FAM83D: variants seen among roughly 807,000 people sequenced by gnomAD.
The protein encoded by FAM83D is protein FAM83D.
FAM83D carries 26 observed loss-of-function variants against 25.4 expected under a neutral mutation model. The observed-to-expected ratio is 1.02, with a 90% CI of 0.75 to 1.42. The LOEUF is 1.42. Among genes scored for constraint, FAM83D ranks in the 40% most tolerant of loss-of-function variants. The pLI is 0.00. For missense variants in FAM83D, 740 were observed against 758.1 expected (o/e 0.98, Z 0.28); for synonymous variants, 310 against 318.5 (o/e 0.97, Z 0.28).
chr20:38,937,516 T>G (rs1407952945), intron 1 of FAM83D, among the ~76,000 whole-genome samples: 1 of 151,826 alleles, frequency 6.6e-6, no homozygotes, highest in East Asian at 1.9e-4. Context: ...GTGAAGAGAG[T>G]GTCCCTTCAG....
intron 3 of FAM83D, among the ~76,000 whole-genome samples, chr20:38,950,867 G>T (rs1223790893): frequency 6.7e-6 from 1 of 148,578 alleles, no homozygotes; most frequent in Admixed American, 6.8e-5. Context: ...CCCAGTCATG[G>T]AATGTGCAGT....
chr20:38,949,692 G>A (rs1050718174), intron 3 of FAM83D, among the ~76,000 whole-genome samples: 1 of 152,186 alleles, frequency 6.6e-6, no homozygotes, highest in African/African-American at 2.4e-5. Context: ...GCATAGAAAG[G>A]TACAGTTGGT....
intron 1 of FAM83D, among the ~76,000 whole-genome samples, chr20:38,938,159 T>G (rs2085686478): frequency 6.6e-6 from 1 of 152,080 alleles, no homozygotes; most frequent in Admixed American, 6.5e-5. Flanking sequence ...AATAGCAAAT[T>G]AGGTATTTAC....
At position 38,932,939 on chromosome 20, in the gene FAM83D, A is replaced by T. The variant is rs77683262; in HGVS notation, c.483+6014A>T. 1.1e-3 allele frequency among the ~76,000 whole-genome samples: 169 copies of T among 152,312 alleles called. 2 individuals are homozygous for T. The highest frequency in any genetic ancestry group is 3.9e-3 in the African/African-American group (164 of 41,568). On this transcript the variant is annotated intron_variant, in intron 1 of 3. Coordinates refer to ENST00000619850, the MANE Select transcript of FAM83D (RefSeq NM_030919.3). ...CATTGCGTTCCCAGAGAGCCCTGCC[A>T]GGAGGAGTAGCAGCTTAGGAATCTG...
At position 38,951,852 on chromosome 20, in the gene FAM83D, G is replaced by A. The variant is rs756121830; in HGVS notation, c.1090G>A (p.Glu364Lys). 3 of 1,614,224 alleles carry A rather than the reference G, an allele frequency of 1.9e-6. No homozygotes were observed. Among genetic ancestry groups the A allele is most frequent in the Non-Finnish European group, 2.5e-6 (3 of 1,180,032 alleles). ...GGCAGAGCGCAAGCCCCATGACTGTGAGTCCTCTACTGTTAGTGAGGAAGA... is the reference window on the plus strand; with the variant it reads ...GGCAGAGCGCAAGCCCCATGACTGTAAGTCCTCTACTGTTAGTGAGGAAGA... ...GKAERKPHDC[E>K]SSTVSEEDYF... The change falls in exon 4 of 4, where the codon GAG becomes AAG. Residue 364 changes from glutamate (E) to lysine (K), a missense_variant. Glu to Lys is a moderately conservative substitution (Grantham distance 56). Around this residue, in one of 3 missense-constraint regions of FAM83D, gnomAD observed 375 missense variants for 403.2 expected, o/e 0.93. Coordinates refer to ENST00000619850, the MANE Select transcript of FAM83D (RefSeq NM_030919.3).
At chr20:38,939,384 C>G in intron 1 of FAM83D, among the ~76,000 whole-genome samples, 1 of 152,118 alleles carries the variant, frequency 6.6e-6, no homozygotes, top group Admixed American at 6.6e-5. Context: ...GAGTCTTGCT[C>G]TGTTGCCCAG....
chr20:38,927,498 CTT>C (rs1173092369), intron 1 of FAM83D, among the ~76,000 whole-genome samples: 4 of 101,412 alleles, frequency 3.9e-5, no homozygotes, highest in South Asian at 3.7e-4. Flanking sequence ...TCTTTCTTGT[CTT>C]TTTTTTTTTT....
At chr20:38,942,785 G>T (rs939622386) in intron 2 of FAM83D, among the ~76,000 whole-genome samples, 32 of 152,206 alleles carry the variant, frequency 2.1e-4, no homozygotes, top group Admixed American at 2.0e-3. Flanking sequence ...TGTGTTAATT[G>T]TATGATCTGT....
At chr20:38,948,661 G>A (rs975136518) in intron 3 of FAM83D, among the ~76,000 whole-genome samples, 4 of 152,180 alleles carry the variant, frequency 2.6e-5, no homozygotes, top group Admixed American at 6.5e-5. Flanking sequence ...ATGTTCTGCC[G>A]CCTCTGCGGT....
intron 3 of FAM83D, among the ~76,000 whole-genome samples, chr20:38,950,945 G>A (rs945370880): frequency 6.6e-6 from 1 of 152,008 alleles, no homozygotes; most frequent in African/African-American, 2.4e-5. Context: ...TCAGCCTCCC[G>A]AGTAGCTAGG....
chr20:38,951,868 G>C lies in FAM83D; in HGVS notation c.1106G>C (p.Ser369Thr). The C allele has an allele frequency of 4.3e-6, 7 of 1,614,184 alleles. No homozygotes were observed. Among genetic ancestry groups the C allele is most frequent in the Non-Finnish European group, 5.9e-6 (7 of 1,180,024 alleles). Reference sequence around the variant, plus strand: ...CATGACTGTGAGTCCTCTACTGTTAGTGAGGAAGACTACTTCAGCAGCCAC... The same window carrying C: ...CATGACTGTGAGTCCTCTACTGTTACTGAGGAAGACTACTTCAGCAGCCAC... Reference protein sequence around the residue: ...KPHDCESSTVSEEDYFSSHRD... With the variant: ...KPHDCESSTVTEEDYFSSHRD... Residue 369 changes from serine (S) to threonine (T), a missense_variant, in exon 4 of 4, where the codon AGT (serine) becomes ACT (threonine). Physicochemically the swap from Ser to Thr is moderately conservative, Grantham distance 58. This residue lies in a region of FAM83D where 375 missense variants were observed against 403.2 expected (regional missense o/e 0.93). Coordinates refer to ENST00000619850, the MANE Select transcript of FAM83D (RefSeq NM_030919.3).
intron 1 of FAM83D, among the ~76,000 whole-genome samples, chr20:38,940,005 C>T (rs2085694847): frequency 2.0e-5 from 3 of 152,144 alleles, no homozygotes; most frequent in Non-Finnish European, 2.9e-5. Context: ...GGGTTCTATG[C>T]CCAGAACTTT....
rs1344508981 is a variant in FAM83D, at chr20:38,951,731, G to C, written c.969G>C (p.Glu323Asp). The change falls in exon 4 of 4, where the codon GAG becomes GAC. Residue 323 changes from glutamate (E) to aspartate (D), a missense_variant. Glu to Asp is a conservative substitution (Grantham distance 45). Transcript: ENST00000619850. ...HLTNRKPQSKELTLGNLLRMR... is the reference protein window; with the variant it reads ...HLTNRKPQSKDLTLGNLLRMR... ...CCAACCGAAAACCACAGTCCAAGGA[G>C]CTCACCCTGGGCAACCTGCTGCGGA... The C allele has an allele frequency of 6.2e-7, 1 of 1,614,196 alleles. No homozygotes were observed. Among genetic ancestry groups the C allele is most frequent in the Non-Finnish European group, 8.5e-7 (1 of 1,180,042 alleles).
intron 1 of FAM83D, among the ~76,000 whole-genome samples, chr20:38,934,004 G>A (rs983713765): frequency 3.3e-5 from 5 of 152,022 alleles, no homozygotes; most frequent in Non-Finnish European, 7.4e-5. Flanking sequence ...ACAGGTGCCC[G>A]CTACCACGCC....
intron 3 of FAM83D, among the ~76,000 whole-genome samples, chr20:38,949,311 C>T (rs531177803): frequency 6.6e-6 from 1 of 151,844 alleles, no homozygotes; most frequent in East Asian, 1.9e-4. Flanking sequence ...ACAGGCATGC[C>T]ACCATGACTG....
intron 1 of FAM83D, among the ~76,000 whole-genome samples, chr20:38,938,965 G>A (rs781567252): frequency 3.3e-5 from 5 of 152,090 alleles, no homozygotes; most frequent in Non-Finnish European, 5.9e-5. Context: ...TCTTCACTTC[G>A]AACTCATTAC....
chr20:38,948,297 C>T (rs960788133), intron 3 of FAM83D, among the ~76,000 whole-genome samples: 1 of 152,180 alleles, frequency 6.6e-6, no homozygotes, highest in African/African-American at 2.4e-5. Flanking sequence ...AGGGGACGAA[C>T]TGGGGGTTAA....
rs976869596 is a variant in FAM83D, at chr20:38,951,922, T to C, written c.1160T>C (p.Ile387Thr). 9 of 1,613,978 alleles carry C rather than the reference T, an allele frequency of 5.6e-6. No individual in the cohort carries two copies. Among genetic ancestry groups the C allele is most frequent in the Non-Finnish European group, 7.6e-6 (9 of 1,180,022 alleles). ...HRDELQSRKAIDAATQTEPGE... is the reference protein window; with the variant it reads ...HRDELQSRKATDAATQTEPGE... ...GACGAGCTCCAGAGCAGAAAGGCCA[T>C]TGACGCTGCCACTCAAACAGAGCCA... The change falls in exon 4 of 4, where the codon ATT becomes ACT. Residue 387 changes from isoleucine to threonine, a missense_variant. Coordinates refer to ENST00000619850, the MANE Select transcript of FAM83D (RefSeq NM_030919.3).
At chr20:38,940,923 G>A (rs1601334396) in intron 1 of FAM83D, among the ~76,000 whole-genome samples, 1 of 152,226 alleles carries the variant, frequency 6.6e-6, no homozygotes, top group African/African-American at 2.4e-5. Flanking sequence ...TGCACTTTAT[G>A]TAACATAGTC....
Sources: gnomAD v4.1 joint callset for allele counts (sites outside exome capture counted in the v4.1 genomes callset) on GRCh38, gnomAD v4.1.1 for gene constraint, gnomAD v4.1.1 regional missense constraint, MANE v1.5 for transcripts, NCBI Gene and HGNC (gene_info 2026-07-23, HGNC 2026-07-21) for gene names.